Variants in LILRB3 observed in about 807,000 individuals in gnomAD.
LILRB3 encodes leukocyte immunoglobulin-like receptor subfamily B member 3.
A neutral mutation model predicts 68.2 loss-of-function variants in LILRB3; 32 were observed. The observed-to-expected ratio is 0.47, with a 90% CI of 0.35 to 0.63. LILRB3 has a LOEUF of 0.63. Ranked by LOEUF, LILRB3 falls within the 30% of genes least tolerant of loss-of-function variation. The pLI is 0.00. For synonymous variants in LILRB3, 185 were observed against 323.1 expected (o/e 0.57, Z 4.58); for missense variants, 502 against 791.3 (o/e 0.63, Z 4.39).
At chr19:54,218,070 G>C (rs2077666718) in intron 11 of LILRB3, among the ~76,000 whole-genome samples, 1 of 145,250 alleles carries the variant, frequency 6.9e-6, no homozygotes, top group Admixed American at 6.8e-5. Flanking sequence ...GAGGAGCCCA[G>C]GGGACGGAGG....
intron 10 of LILRB3, 49 bp from the exon 11 acceptor site, chr19:54,218,462 C>G: frequency 6.2e-7 from 1 of 1,612,026 alleles, no homozygotes; most frequent in South Asian, 1.1e-5. Flanking sequence ...TGAGACCTCT[C>G]AGTCCTGCTG....
Position 54,218,638 on chromosome 19 carries a change from C to T in LILRB3, c.1540+7G>A, listed in dbSNP as rs530688039. On this transcript the variant is annotated splice_region_variant and intron_variant, in intron 10 of 12. Coordinates refer to ENST00000445347, the Ensembl canonical transcript of LILRB3. ...GCACCCCCATTTGTCCCCTCTCTTC[C>T]TCTTACAGAGGTTTTCTTCCTGGAC... 3 of 1,614,168 alleles carry T rather than the reference C, an allele frequency of 1.9e-6. No homozygotes were observed. The highest frequency in any genetic ancestry group is 2.7e-5 in the African/African-American group (2 of 75,054).
chr19:54,217,239 C>G (rs746442291), exon 13 of LILRB3: 2 of 1,609,160 alleles, frequency 1.2e-6, no homozygotes, highest in Non-Finnish European at 1.7e-6. Flanking sequence ...GATGCAGCAG[C>G]CTGCAGCGGG....
At position 54,221,874 on chromosome 19, in the gene LILRB3, G is replaced by T; in HGVS notation, c.612C>A (p.Pro204=). The change falls in exon 4 of 13, where the codon CCC becomes CCA. Residue 204 remains proline, a synonymous_variant. Coordinates refer to ENST00000445347, the Ensembl canonical transcript of LILRB3. ...GGTCACTGGGGTGGGACCACACCCA[G>T]GGGGTGTTTGTATAATAGTAATAGC... 1.3e-6 allele frequency: 2 copies of T among 1,528,636 alleles called. 1 individual carries two copies. The highest frequency in any genetic ancestry group is 1.8e-6 in the Non-Finnish European group (2 of 1,120,930). The allele number at this position is 1,528,636 out of a possible 1,614,324, so 94.7% of individuals were successfully genotyped here.
At chr19:54,219,710 A>G (rs1203784713) in intron 7 of LILRB3, 1 of 982,132 alleles carries the variant, frequency 1.0e-6, no homozygotes, top group Non-Finnish European at 1.2e-6. Context: ...GAACTTTCCC[A>G]CCCACAGGCC....
At position 54,222,696 on chromosome 19, in the gene LILRB3, C is replaced by A. The variant is rs1230270184; in HGVS notation, c.70+51G>T. On this transcript the variant is annotated intron_variant, in intron 2 of 12. Coordinates refer to ENST00000445347, the Ensembl canonical transcript of LILRB3. Reference sequence around the variant, plus strand: ...CCTCCCCCAGCTGCCCATGGGTGGCCCCCTGTCCCAGTGAGGAGTAGGGAC... The same window carrying A: ...CCTCCCCCAGCTGCCCATGGGTGGCACCCTGTCCCAGTGAGGAGTAGGGAC... 15 of 1,612,406 alleles carry A rather than the reference C, an allele frequency of 9.3e-6. No homozygotes were observed. In the Admixed American group the frequency reaches 1.8e-4, roughly 20 times the overall value.
chr19:54,218,914 A>G, intron 8 of LILRB3, 76 bp from the exon 9 acceptor site: 2 of 1,598,006 alleles, frequency 1.3e-6, no homozygotes, highest in Non-Finnish European at 1.7e-6. Context: ...TGAGGGAAAG[A>G]AGGAAAACTA....
chr19:54,216,917 AC>A, exon 13 of LILRB3: 1 of 1,444,610 alleles, frequency 6.9e-7, no homozygotes, highest in Non-Finnish European at 9.1e-7. Context: ...CCAAAATGGG[AC>A]GATATTAGTC....
At chr19:54,216,999 CTG>C in exon 13 of LILRB3, 1 of 1,601,442 alleles carries the variant, frequency 6.2e-7, no homozygotes, top group African/African-American at 1.3e-5. Context: ...TCCAGGCTGA[CTG>C]GGGTTCACTG....
intron 11 of LILRB3, 31 bp downstream of exon 11, chr19:54,218,330 C>T: frequency 6.2e-7 from 1 of 1,613,210 alleles, no homozygotes; most frequent in Non-Finnish European, 8.5e-7. Flanking sequence ...ACCAGGAGGC[C>T]TTTGGTGCCT....
Position 54,219,975 on chromosome 19 carries a change from G to T in LILRB3, c.1309+180C>A. On this transcript the variant is annotated intron_variant, in intron 7 of 12. Transcript: ENST00000445347. ...GCTGTCTTGCCCCCCACATCAGCCC[G>T]GCTCCTCCTCCTGGCTGGGCCCCAA... 5 of 1,285,146 alleles carry T rather than the reference G, an allele frequency of 3.9e-6. 2 individuals are homozygous for T. Among genetic ancestry groups the T allele is most frequent in the Non-Finnish European group, 2.1e-6 (2 of 934,802 alleles). The allele number at this position is 1,285,146 out of a possible 1,614,324, so 79.6% of individuals were successfully genotyped here.
chr19:54,219,507 A>AC, intron 7 of LILRB3: 1 of 1,550,392 alleles, frequency 6.4e-7, no homozygotes. Flanking sequence ...TTGTTCCTGC[A>AC]CCAGAGCCGA....
exon 13 of LILRB3, chr19:54,217,199 T>G: frequency 6.3e-7 from 1 of 1,597,440 alleles, no homozygotes; most frequent in Non-Finnish European, 8.5e-7. Flanking sequence ...GCTGTGCAGC[T>G]GGGCGTAGGT....
Position 54,219,966 on chromosome 19 carries a change from C to T in LILRB3, c.1309+189G>A. Reference sequence around the variant, plus strand: ...AAGGCTGGGGCTGTCTTGCCCCCCACATCAGCCCGGCTCCTCCTCCTGGCT... The same window carrying T: ...AAGGCTGGGGCTGTCTTGCCCCCCATATCAGCCCGGCTCCTCCTCCTGGCT... On this transcript the variant is annotated intron_variant, in intron 7 of 12. Coordinates refer to ENST00000445347, the Ensembl canonical transcript of LILRB3. The T allele has an allele frequency of 2.3e-6, 3 of 1,312,514 alleles. No individual in the cohort carries two copies. In the East Asian group the frequency reaches 7.9e-5, roughly 34 times the overall value. 81.3% of individuals were successfully genotyped at this position (1,312,514 alleles called of 1,614,324 possible).
intron 11 of LILRB3, among the ~76,000 whole-genome samples, chr19:54,217,897 C>A (rs1473165357): frequency 6.6e-6 from 1 of 151,994 alleles, no homozygotes; most frequent in Non-Finnish European, 1.5e-5. Context: ...CCTTACAGCA[C>A]GTTGCACTCC....
exon 13 of LILRB3, chr19:54,217,224 C>A: frequency 6.2e-7 from 1 of 1,608,590 alleles, no homozygotes; most frequent in Non-Finnish European, 8.5e-7. Context: ...TCCTGGGAGG[C>A]TTCAGATGCA....
exon 13 of LILRB3, chr19:54,216,590 G>C: frequency 1.0e-6 from 1 of 1,003,922 alleles, no homozygotes; most frequent in Admixed American, 5.2e-5. Context: ...GATTATAGGC[G>C]TGAGCCACCG....
chr19:54,216,371 G>A (rs533658649), exon 13 of LILRB3: 2 of 145,254 alleles, frequency 1.4e-5, no homozygotes, highest in Non-Finnish European at 3.0e-5. Context: ...GTGCAGTGGT[G>A]CGATCTCAGC....
chr19:54,218,120 G>T (rs992541617), intron 11 of LILRB3, among the ~76,000 whole-genome samples: 6 of 151,526 alleles, frequency 4.0e-5, no homozygotes, highest in East Asian at 3.9e-4. Context: ...CCTGGGGAGA[G>T]CTCTAACAAC....
Sources: gnomAD v4.1 joint callset for allele counts (sites outside exome capture counted in the v4.1 genomes callset) on GRCh38, gnomAD v4.1.1 for gene constraint, MANE v1.5 for transcripts, NCBI Gene and HGNC (gene_info 2026-07-23, HGNC 2026-07-21) for gene names.